The following CNTN6 variants were observed in gnomAD, a reference collection of about 807,000 sequenced individuals.
CNTN6 encodes contactin 6.
A neutral mutation model predicts 122.8 loss-of-function variants in CNTN6; 137 were observed. The observed-to-expected ratio is 1.12, with a 90% confidence interval of 0.97 to 1.29. The LOEUF is 1.29. Among genes scored for constraint, CNTN6 ranks in the 50% most tolerant of loss-of-function variants. CNTN6 has a pLI of 0.00. For missense variants in CNTN6, 1,634 were observed against 1,223.4 expected (o/e 1.34, Z -5.01); for synonymous variants, 570 against 426.0 (o/e 1.34, Z -4.16).
chr3:1,385,773 G>GTCAATGTTAC lies in CNTN6; in HGVS notation c.2681_2690dup (p.Thr898GlnfsTer24). ...TGGGACAGGGCCCTCAAGCCCCCCAGTCAATGTTACCACCAAAAAGTCTCG... is the reference window on the plus strand; with the variant it reads ...TGGGACAGGGCCCTCAAGCCCCCCAGTCAATGTTACTCAATGTTACCACCAAAAAGTCTCG... On this transcript the variant is annotated frameshift_variant, in exon 20 of 23. Transcript: ENST00000446702. LOFTEE classifies it high-confidence loss of function. 1 of 1,611,112 alleles carries GTCAATGTTAC rather than the reference G, an allele frequency of 6.2e-7. No individual in the cohort carries two copies. Among genetic ancestry groups the GTCAATGTTAC allele is most frequent in the South Asian group, 1.1e-5 (1 of 90,632 alleles).
chr3:1,172,968 T>A (rs2093385547), intron 2 of CNTN6, among the ~76,000 whole-genome samples: 1 of 152,162 alleles, frequency 6.6e-6, no homozygotes, highest in Non-Finnish European at 1.5e-5. Context: ...TACTGGAAGA[T>A]CTTTCTCCAG....
In CNTN6 at chr3:1,267,600, A is replaced by C. The variant is rs10470603; in HGVS notation, c.359-10813A>C. Among the ~76,000 whole-genome samples the C allele has an allele frequency of 4.3e-3, 653 of 152,224 alleles. 3 individuals are homozygous for C. The highest frequency in any genetic ancestry group is 0.015 in the African/African-American group (618 of 41,500). On this transcript the variant is annotated intron_variant, in intron 4 of 22. Coordinates refer to ENST00000446702, the MANE Select transcript of CNTN6 (RefSeq NM_001289080.2). ...TAATAAACACTTGATATTGGAGAAAAATTGGAATGCTGATATCCAAGTAGG... is the reference window on the plus strand; with the variant it reads ...TAATAAACACTTGATATTGGAGAAACATTGGAATGCTGATATCCAAGTAGG...
intron 5 of CNTN6, among the ~76,000 whole-genome samples, chr3:1,293,499 C>T (rs896684792): frequency 4.6e-5 from 7 of 152,140 alleles, no homozygotes; most frequent in Non-Finnish European, 7.4e-5. Flanking sequence ...CAGGTGGTCT[C>T]TTCCCAGCTG....
chr3:1,203,852 G>C (rs1019141615), intron 2 of CNTN6, among the ~76,000 whole-genome samples: 4 of 152,090 alleles, frequency 2.6e-5, no homozygotes, highest in Admixed American at 6.6e-5. Flanking sequence ...GGTAACTTAG[G>C]ATTATAATAC....
chr3:1,251,151 T>C (rs1048048350), intron 4 of CNTN6, among the ~76,000 whole-genome samples: 1 of 152,186 alleles, frequency 6.6e-6, no homozygotes, highest in Non-Finnish European at 1.5e-5. Context: ...ATATCCTGAT[T>C]TGCCAGTTTC....
intron 2 of CNTN6, among the ~76,000 whole-genome samples, chr3:1,196,699 G>A (rs574439738): frequency 8.5e-5 from 13 of 152,276 alleles, no homozygotes; most frequent in Admixed American, 2.6e-4. Context: ...TCAATAAAGT[G>A]TCTGGTGATG....
intron 1 of CNTN6, among the ~76,000 whole-genome samples, chr3:1,126,517 A>G (rs922193690): frequency 6.6e-6 from 1 of 151,760 alleles, no homozygotes; most frequent in Non-Finnish European, 1.5e-5. Flanking sequence ...CCCTCTTCAT[A>G]CTTATCACAA....
At chr3:1,332,659 A>C (rs1390319512) in intron 11 of CNTN6, among the ~76,000 whole-genome samples, 1 of 151,904 alleles carries the variant, frequency 6.6e-6, no homozygotes, top group Admixed American at 6.6e-5. Context: ...TTCAGCCCCC[A>C]CCCTGTTGAG....
At chr3:1,403,282 C>T (rs1695964258) in intron 22 of CNTN6, 36 bp from the exon 23 acceptor site, 4 of 1,407,468 alleles carry the variant, frequency 2.8e-6, no homozygotes, top group Non-Finnish European at 4.0e-6. Context: ...AATACTTTAT[C>T]TCAAAATATT....
intron 8 of CNTN6, among the ~76,000 whole-genome samples, chr3:1,325,370 T>C (rs539952495): frequency 3.0e-4 from 46 of 151,986 alleles, no homozygotes; most frequent in Non-Finnish European, 5.6e-4. Flanking sequence ...AGGTATTGAG[T>C]TGTAATTGTG....
chr3:1,216,890 C>A (rs893066627), intron 2 of CNTN6, among the ~76,000 whole-genome samples: 2 of 152,138 alleles, frequency 1.3e-5, no homozygotes, highest in African/African-American at 4.8e-5. Flanking sequence ...TTCTTGCTCT[C>A]TCTTAAGACA....
At chr3:1,203,354 G>T (rs921992202) in intron 2 of CNTN6, among the ~76,000 whole-genome samples, 1 of 152,106 alleles carries the variant, frequency 6.6e-6, no homozygotes, top group Non-Finnish European at 1.5e-5. Context: ...AAGAAATGAG[G>T]TTACCAAACA....
chr3:1,121,198 TTGAGAGGTATGTAGTAC>T (rs2091936001), intron 1 of CNTN6, among the ~76,000 whole-genome samples: 1 of 151,958 alleles, frequency 6.6e-6, no homozygotes. Flanking sequence ...TAAATATTTC[TTGAGAGGTATGTAGTAC>T]TGAGCTACTC....
chr3:1,256,411 A>G (rs544615258), intron 4 of CNTN6, among the ~76,000 whole-genome samples: 1 of 152,224 alleles, frequency 6.6e-6, no homozygotes, highest in South Asian at 2.1e-4. Flanking sequence ...GAAAGAGGAT[A>G]GTATCAAATA....
intron 4 of CNTN6, among the ~76,000 whole-genome samples, chr3:1,243,639 C>T (rs2094519129): frequency 6.6e-6 from 1 of 152,088 alleles, no homozygotes; most frequent in Admixed American, 6.6e-5. Flanking sequence ...AGAGCCTAAA[C>T]GCTATCTGAT....
At chr3:1,141,408 A>G (rs781203668) in intron 1 of CNTN6, among the ~76,000 whole-genome samples, 5 of 152,202 alleles carry the variant, frequency 3.3e-5, no homozygotes, top group Non-Finnish European at 5.9e-5. Context: ...CGCACTTGCA[A>G]CAATGATGTC....
chr3:1,106,470 G>A (rs1164842441), intron 1 of CNTN6, among the ~76,000 whole-genome samples: 1 of 151,762 alleles, frequency 6.6e-6, no homozygotes, highest in Non-Finnish European at 1.5e-5. Context: ...TAGATCTGAG[G>A]CCAGGTGTTC....
At position 1,222,704 on chromosome 3, in the gene CNTN6, T is replaced by C. The variant is rs558196755; in HGVS notation, c.182+1891T>C. Among the ~76,000 whole-genome samples, 28 of 149,228 alleles carry C rather than the reference T, an allele frequency of 1.9e-4. No homozygotes were observed. The East Asian group carries it at 5.5e-3, about 29-fold the overall frequency. On this transcript the variant is annotated intron_variant, in intron 3 of 22. Transcript: ENST00000446702. Reference sequence around the variant, plus strand: ...CCCATAACCTGGTTTGGCTCATTTCTTTTTTTTTTAACTTTTAAGTTCAGG... The same window carrying C: ...CCCATAACCTGGTTTGGCTCATTTCCTTTTTTTTTAACTTTTAAGTTCAGG...
rs1357902402 is a variant in CNTN6, at chr3:1,382,933, C to T, written c.2167-9C>T. Reference sequence around the variant, plus strand: ...CAAATACTCAGTGATTGATCACATTCTGCCCAAGTCAATTCCAGAAGAACT... The same window carrying T: ...CAAATACTCAGTGATTGATCACATTTTGCCCAAGTCAATTCCAGAAGAACT... On this transcript the variant is annotated splice_polypyrimidine_tract_variant and intron_variant, in intron 17 of 22. Transcript: ENST00000446702. 6.3e-7 allele frequency: 1 copy of T among 1,599,064 alleles called. No individual in the cohort carries two copies. Among genetic ancestry groups the T allele is most frequent in the South Asian group, 1.1e-5 (1 of 90,678 alleles).
Sources: gnomAD v4.1 joint callset for allele counts (sites outside exome capture counted in the v4.1 genomes callset) on GRCh38, gnomAD v4.1.1 for gene constraint, MANE v1.5 for transcripts, NCBI Gene and HGNC (gene_info 2026-07-23, HGNC 2026-07-21) for gene names.